Variants in TRIO observed in about 807,000 individuals in gnomAD.
TRIO encodes the protein triple functional domain protein.
A neutral mutation model predicts 351.9 loss-of-function variants in TRIO; 58 were observed. That is an observed-to-expected ratio of 0.16 (90% CI 0.13 to 0.21). The LOEUF (loss-of-function observed/expected upper bound fraction) is 0.21. Ranked by LOEUF, TRIO falls within the 10% of genes least tolerant of loss-of-function variation. The probability of loss-of-function intolerance (pLI) is 1.00; values close to 1 mark genes in which losing one functional copy is unlikely to be tolerated. For synonymous variants in TRIO, 1,758 were observed against 1,595.7 expected, an observed-to-expected ratio of 1.10 and a Z score of -2.42; for missense variants, 3,201 against 4,027.8, an observed-to-expected ratio of 0.79 and a Z score of 5.56.
chr5:14,214,888 T>G (rs1298125052), intron 1 of TRIO, among the ~76,000 whole-genome samples: 1 of 152,204 alleles, frequency 6.6e-6, no homozygotes, highest in African/African-American at 2.4e-5. Context: ...TGATTTCAAA[T>G]CAGTAGTTAT....
At chr5:14,157,929 C>T (rs1475355335) in intron 1 of TRIO, among the ~76,000 whole-genome samples, 2 of 152,092 alleles carry the variant, frequency 1.3e-5, no homozygotes, top group African/African-American at 4.8e-5. Flanking sequence ...ACGGATATTA[C>T]GTCGCTGACT....
intron 1 of TRIO, among the ~76,000 whole-genome samples, chr5:14,198,409 T>G (rs1374010790): frequency 6.6e-6 from 1 of 152,090 alleles, no homozygotes; most frequent in Non-Finnish European, 1.5e-5. Context: ...ACAATCAGAG[T>G]TTTAGAGGTT....
rs112551357 is a variant in TRIO, at chr5:14,493,898, G to C, written c.7880+1084G>C. The stretch of plus-strand genomic sequence containing the variant: ...GAAAGTTTGAGTGGTCTGGATAGAA[G>C]ATCAAACCAGCCACAACCTTGCCTT... On this transcript the variant is annotated intron_variant, in intron 49 of 56. Coordinates refer to ENST00000344204, the MANE Select transcript of TRIO (RefSeq NM_007118.4). Among the ~76,000 whole-genome samples the C allele has an allele frequency of 4.4e-3, 677 of 152,332 alleles. 6 individuals are homozygous for C. The highest frequency in any genetic ancestry group is 0.015 in the African/African-American group (640 of 41,578).
Position 14,509,142 on chromosome 5 carries a change from C to G in TRIO, c.*720C>G. 4.0e-6 allele frequency: 1 copy of G among 250,648 alleles called. No homozygotes were observed. The highest frequency in any genetic ancestry group is 5.6e-5 in the Admixed American group (1 of 17,896). The allele number at this position is 250,648 out of a possible 1,614,324, so 15.5% of individuals were successfully genotyped here. A position where few individuals can be genotyped will look rare whatever the true frequency, so the allele number is the denominator to read the frequency against. ...ATCACATGAAGACATCAGGTTGGGT[C>G]CTGCCCCACTGCCCCTCCCCCTGTT... On this transcript the variant is annotated 3_prime_UTR_variant, in exon 57 of 57. Coordinates refer to ENST00000344204, the MANE Select transcript of TRIO (RefSeq NM_007118.4).
At chr5:14,215,668 T>C (rs146309545) in intron 1 of TRIO, among the ~76,000 whole-genome samples, 12 of 152,328 alleles carry the variant, frequency 7.9e-5, no homozygotes, top group African/African-American at 2.9e-4. Flanking sequence ...GTGAGATCTT[T>C]TAGCTCCAAG....
intron 23 of TRIO, 31 bp from the exon 24 acceptor site, chr5:14,388,582 C>A: frequency 6.3e-7 from 1 of 1,598,578 alleles, no homozygotes; most frequent in Non-Finnish European, 8.5e-7. Context: ...TGCACCCTGA[C>A]TGTACTCCTC....
intron 1 of TRIO, among the ~76,000 whole-genome samples, chr5:14,180,240 G>A (rs1398880936): frequency 6.6e-6 from 1 of 151,188 alleles, no homozygotes; most frequent in African/African-American, 2.4e-5. Flanking sequence ...GATATTTTCA[G>A]TCTGTGGCCT....
At chr5:14,331,666 C>G (rs1200254720) in intron 10 of TRIO, among the ~76,000 whole-genome samples, 2 of 152,106 alleles carry the variant, frequency 1.3e-5, no homozygotes, top group African/African-American at 4.8e-5. Context: ...GACACAAGAC[C>G]TAGCTGCAGG....
intron 38 of TRIO, among the ~76,000 whole-genome samples, chr5:14,471,879 A>G (rs1754715999): frequency 6.6e-6 from 1 of 152,166 alleles, no homozygotes; most frequent in South Asian, 2.1e-4. Context: ...AAGAGTCCTG[A>G]AAAATGTTAC....
intron 9 of TRIO, among the ~76,000 whole-genome samples, chr5:14,327,672 T>A (rs565259970): frequency 6.6e-6 from 1 of 152,142 alleles, no homozygotes; most frequent in African/African-American, 2.4e-5. Flanking sequence ...TTATATAATT[T>A]AAAAAAAAGT....
intron 1 of TRIO, among the ~76,000 whole-genome samples, chr5:14,147,926 T>C (rs1581230055): frequency 6.6e-6 from 1 of 152,198 alleles, no homozygotes; most frequent in East Asian, 1.9e-4. Context: ...TGTAATTTGA[T>C]AGTGAATGTT....
chr5:14,229,617 G>A (rs749703832), intron 1 of TRIO, among the ~76,000 whole-genome samples: 35 of 152,292 alleles, frequency 2.3e-4, no homozygotes, highest in Admixed American at 5.9e-4. Flanking sequence ...GGAAGACAAC[G>A]TTCAAGGCTG....
intron 10 of TRIO, among the ~76,000 whole-genome samples, chr5:14,336,268 C>T (rs1741405125): frequency 6.6e-6 from 1 of 152,138 alleles, no homozygotes; most frequent in Admixed American, 6.5e-5. Context: ...CACAAGACAG[C>T]CAGCAATTGC....
chr5:14,334,244 TC>T (rs2152317707), intron 10 of TRIO, among the ~76,000 whole-genome samples: 1 of 152,244 alleles, frequency 6.6e-6, no homozygotes, highest in East Asian at 1.9e-4. Flanking sequence ...ATCTCTGTTC[TC>T]CAGTTGCAGA....
rs755432585 is a variant in TRIO, at chr5:14,389,297, G to T, written c.3957G>T (p.Leu1319=). 1.1e-5 allele frequency: 17 copies of T among 1,608,946 alleles called. No individual in the cohort carries two copies. The highest frequency in any genetic ancestry group is 3.4e-5 in the Admixed American group (2 of 58,686). The change falls in exon 25 of 57, where the codon CTG becomes CTT. Residue 1319 remains leucine, a synonymous_variant. Transcript: ENST00000344204. ...GTTTCCCTCTCGGCTAGACGTACCT[G>T]TGGGAAATGACCAGTGGCGTGGAAG... ...RDLRECMDTY[L]WEMTSGVEEI... is the part of the protein sequence containing the mutation.
At chr5:14,232,215 C>T (rs1793478266) in intron 1 of TRIO, among the ~76,000 whole-genome samples, 1 of 152,160 alleles carries the variant, frequency 6.6e-6, no homozygotes, top group Admixed American at 6.5e-5. Flanking sequence ...ATATTTCTGC[C>T]ATATGGGGGC....
chr5:14,328,085 A>G (rs1740552879), intron 9 of TRIO, among the ~76,000 whole-genome samples: 1 of 152,384 alleles, frequency 6.6e-6, no homozygotes, highest in South Asian at 2.1e-4. Flanking sequence ...TAATGTGCTC[A>G]ATACACTAAT....
intron 2 of TRIO, among the ~76,000 whole-genome samples, chr5:14,279,176 C>G (rs148114775): frequency 6.6e-6 from 1 of 152,282 alleles, no homozygotes; most frequent in Admixed American, 6.5e-5. Context: ...GATTACATGA[C>G]TGAACAGTAC....
At chr5:14,435,390 A>T (rs1467052142) in intron 34 of TRIO, among the ~76,000 whole-genome samples, 1 of 151,602 alleles carries the variant, frequency 6.6e-6, no homozygotes, top group Admixed American at 6.6e-5. Context: ...GTTTCCAGGG[A>T]CCCCCTTTCA....
Sources: gnomAD v4.1 joint callset for allele counts (sites outside exome capture counted in the v4.1 genomes callset) on GRCh38, gnomAD v4.1.1 for gene constraint, MANE v1.5 for transcripts, NCBI Gene and HGNC (gene_info 2026-07-23, HGNC 2026-07-21) for gene names.